The following NXPE2 variants were observed in gnomAD, a reference collection of about 807,000 sequenced individuals.
NXPE2 encodes neurexophilin and PC-esterase domain family member 2.
Under a neutral mutation model 34.4 loss-of-function variants are expected in NXPE2, and 34 were observed. The observed-to-expected ratio is 0.99, with a 90% CI of 0.75 to 1.31. The LOEUF is 1.31. Among genes scored for constraint, NXPE2 ranks in the 40% most tolerant of loss-of-function variants. The pLI is 0.00. For missense variants in NXPE2, 649 were observed against 672.5 expected, an observed-to-expected ratio of 0.97 and a Z score of 0.39; for synonymous variants, 235 against 231.3, an observed-to-expected ratio of 1.02 and a Z score of -0.15.
the NXPE2 span, among the ~76,000 whole-genome samples, chr11:114,581,456 G>A: frequency 6.6e-6 from 1 of 152,092 alleles, no homozygotes; most frequent in Non-Finnish European, 1.5e-5. Flanking sequence ...AAGAGTTAAC[G>A]TTTAAAGGTT....
the NXPE2 span, among the ~76,000 whole-genome samples, chr11:114,775,609 C>T: frequency 5.9e-5 from 9 of 152,208 alleles, no homozygotes; most frequent in Non-Finnish European, 1.0e-4. Context: ...TAGGTGTCCC[C>T]CACGTGGGAA....
At chr11:114,754,151 A>G in the NXPE2 span, among the ~76,000 whole-genome samples, 2 of 152,190 alleles carry the variant, frequency 1.3e-5, no homozygotes, top group Admixed American at 6.5e-5. Context: ...TCTCATTTTT[A>G]TTAATGAAAT....
At chr11:114,698,843 T>G in intron 3 of NXPE2, 65 bp downstream of exon 3, 1 of 1,410,318 alleles carries the variant, frequency 7.1e-7, no homozygotes, top group Middle Eastern at 2.1e-4. Context: ...TGCCTAGTAG[T>G]TTTGCCTAAT....
At chr11:114,745,167 G>A in the NXPE2 span, among the ~76,000 whole-genome samples, 1 of 152,134 alleles carries the variant, frequency 6.6e-6, no homozygotes, top group Non-Finnish European at 1.5e-5. Flanking sequence ...GTTTGTTTGT[G>A]TTGCTATAAA....
At chr11:114,740,041 A>G in the NXPE2 span, among the ~76,000 whole-genome samples, 2 of 152,122 alleles carry the variant, frequency 1.3e-5, no homozygotes, top group Non-Finnish European at 2.9e-5. Context: ...CACTATATAT[A>G]TACTATGTTT....
the NXPE2 span, among the ~76,000 whole-genome samples, chr11:114,768,748 C>T: frequency 9.9e-4 from 151 of 152,166 alleles, no homozygotes; most frequent in African/African-American, 3.6e-3. Context: ...GATTTTTGCG[C>T]AATGATTTTG....
At chr11:114,611,976 T>C in the NXPE2 span, among the ~76,000 whole-genome samples, 13 of 152,074 alleles carry the variant, frequency 8.5e-5, no homozygotes, top group African/African-American at 3.1e-4. Context: ...GCCTCGTGGG[T>C]AACCACAGTT....
the NXPE2 span, among the ~76,000 whole-genome samples, chr11:114,808,018 T>G: frequency 6.6e-6 from 1 of 152,182 alleles, no homozygotes; most frequent in African/African-American, 2.4e-5. Flanking sequence ...GCAATCAAAC[T>G]AGAACCCAGG....
the NXPE2 span, among the ~76,000 whole-genome samples, chr11:114,621,388 C>T: frequency 1.3e-5 from 2 of 152,126 alleles, no homozygotes; most frequent in African/African-American, 4.8e-5. Context: ...TATCTGTTAT[C>T]TCGTGGGTAA....
the NXPE2 span, among the ~76,000 whole-genome samples, chr11:114,550,229 A>C: frequency 6.6e-6 from 1 of 152,178 alleles, no homozygotes; most frequent in Non-Finnish European, 1.5e-5. Context: ...GTTCACTTGA[A>C]AGGATAAGTG....
At chr11:114,597,066 A>G in the NXPE2 span, among the ~76,000 whole-genome samples, 3 of 151,956 alleles carry the variant, frequency 2.0e-5, no homozygotes, top group Admixed American at 6.6e-5. Flanking sequence ...TGGAAAAACT[A>G]TCTTGAAGTC....
the NXPE2 span, among the ~76,000 whole-genome samples, chr11:114,666,474 ATTGAT>A: frequency 2.0e-5 from 3 of 152,174 alleles, no homozygotes; most frequent in Non-Finnish European, 4.4e-5. Context: ...TCACATCAGT[ATTGAT>A]TTGTCTTAAA....
chr11:114,693,600 C>G (rs10891731), intron 2 of NXPE2, among the ~76,000 whole-genome samples: 36,676 of 152,086 alleles, frequency 0.24, 4,582 homozygotes, highest in East Asian at 0.42. Flanking sequence ...AAACTTGCAG[C>G]CTTAACCTAA....
the NXPE2 span, among the ~76,000 whole-genome samples, chr11:114,750,990 G>A: frequency 6.6e-6 from 1 of 151,862 alleles, no homozygotes. Flanking sequence ...GTGGGGGTGG[G>A]GGGTGTGGAG....
At chr11:114,669,706 T>C in the NXPE2 span, among the ~76,000 whole-genome samples, 3 of 151,998 alleles carry the variant, frequency 2.0e-5, no homozygotes, top group Non-Finnish European at 4.4e-5. Context: ...GAGAGGCAGG[T>C]CATAGCAACA....
chr11:114,681,483 C>G (rs546667077), intron 2 of NXPE2, among the ~76,000 whole-genome samples: 2 of 152,260 alleles, frequency 1.3e-5, no homozygotes, highest in South Asian at 2.1e-4. Context: ...ACTCACTAGG[C>G]CTGGTCCAAG....
At chr11:114,692,539 A>G (rs747001183) in intron 2 of NXPE2, among the ~76,000 whole-genome samples, 18 of 152,138 alleles carry the variant, frequency 1.2e-4, no homozygotes, top group Non-Finnish European at 2.1e-4. Context: ...AGGCAGCTCT[A>G]TGTCAGACAT....
the NXPE2 span, among the ~76,000 whole-genome samples, chr11:114,538,305 T>A: frequency 3.9e-5 from 6 of 152,188 alleles, no homozygotes; most frequent in South Asian, 2.1e-4. Context: ...CTTACATGTT[T>A]GACCTAAAAC....
the NXPE2 span, among the ~76,000 whole-genome samples, chr11:114,586,174 A>C: frequency 1.3e-5 from 2 of 152,110 alleles, no homozygotes; most frequent in Non-Finnish European, 2.9e-5. Context: ...TGTGGACCAA[A>C]AGACCCACTT....
Sources: gnomAD v4.1 joint callset for allele counts (sites outside exome capture counted in the v4.1 genomes callset) on GRCh38, gnomAD v4.1.1 for gene constraint, MANE v1.5 for transcripts, NCBI Gene and HGNC (gene_info 2026-07-23, HGNC 2026-07-21) for gene names.